Variants in EPB41L4A observed in about 807,000 individuals in gnomAD.
The protein encoded by EPB41L4A is erythrocyte membrane protein band 4.1 like 4A, also known as band 4.1-like protein 4A.
EPB41L4A carries 100 observed loss-of-function variants against 108.6 expected under a neutral mutation model. The ratio of observed to expected loss-of-function variants is 0.92; its 90% CI spans 0.78 to 1.09. The LOEUF (loss-of-function observed/expected upper bound fraction) is 1.09. Among genes scored for constraint, EPB41L4A ranks in the 50% least tolerant of loss-of-function variants. EPB41L4A has a pLI of 0.00. For missense variants in EPB41L4A, 1,030 were observed against 842.7 expected (o/e 1.22, Z -2.75); for synonymous variants, 319 against 289.0 (o/e 1.10, Z -1.05).
At chr5:112,414,720 A>T (rs1197705773) in intron 1 of EPB41L4A, among the ~76,000 whole-genome samples, 1 of 152,246 alleles carries the variant, frequency 6.6e-6, no homozygotes, top group Non-Finnish European at 1.5e-5. Flanking sequence ...ATCACATTCA[A>T]GTCATGGATG....
downstream of EPB41L4A, chr5:112,161,227 A>G (rs1258044828): frequency 1.0e-5 from 3 of 287,178 alleles, no homozygotes; most frequent in African/African-American, 6.7e-5. Flanking sequence ...AAATAACTTA[A>G]AAGCAGCGTG....
At chr5:112,327,286 T>A (rs1055163265) in intron 1 of EPB41L4A, among the ~76,000 whole-genome samples, 6 of 152,206 alleles carry the variant, frequency 3.9e-5, no homozygotes, top group African/African-American at 1.4e-4. Context: ...AAGACTTCTA[T>A]AAAGAAGAAG....
intron 1 of EPB41L4A, among the ~76,000 whole-genome samples, chr5:112,380,783 TCACACACATACA>T (rs1375168337): frequency 1.2e-4 from 14 of 120,184 alleles, no homozygotes; most frequent in African/African-American, 4.6e-4. Flanking sequence ...CCTCTGCACA[TCACACACATACA>T]CACACACACA....
chr5:112,266,417 C>A, intron 4 of EPB41L4A, 87 bp from the exon 5 acceptor site: 4 of 805,596 alleles, frequency 5.0e-6, no homozygotes, highest in Non-Finnish European at 7.7e-6. Flanking sequence ...GGTTAACAAC[C>A]AATCACCTTC....
intron 15 of EPB41L4A, among the ~76,000 whole-genome samples, chr5:112,197,203 T>C (rs1333090101): frequency 1.3e-5 from 2 of 152,198 alleles, no homozygotes; most frequent in Non-Finnish European, 2.9e-5. Context: ...AACATAGACC[T>C]ACTTTGAGTC....
chr5:112,378,773 T>G (rs548790479), intron 1 of EPB41L4A, among the ~76,000 whole-genome samples: 1 of 152,354 alleles, frequency 6.6e-6, no homozygotes, highest in East Asian at 1.9e-4. Context: ...ACTTCTTCAC[T>G]GGATGCTCAA....
intron 1 of EPB41L4A, among the ~76,000 whole-genome samples, chr5:112,325,509 C>T (rs566023511): frequency 1.3e-5 from 2 of 150,732 alleles, no homozygotes; most frequent in Non-Finnish European, 1.5e-5. Flanking sequence ...CCATAAAGTA[C>T]TTTAGCTATA....
At chr5:112,275,912 T>C (rs949289096) in intron 3 of EPB41L4A, among the ~76,000 whole-genome samples, 2 of 152,182 alleles carry the variant, frequency 1.3e-5, no homozygotes, top group African/African-American at 4.8e-5. Context: ...CATGTGCTCA[T>C]GTGGAAAAGA....
rs115704559 is a variant in EPB41L4A at position 112,244,868 on chromosome 5, C to T, written c.796-4058G>A. Among the ~76,000 whole-genome samples the T allele has an allele frequency of 7.3e-3, 1,114 of 152,254 alleles. 9 individuals are homozygous for T. Among genetic ancestry groups the T allele is most frequent in the African/African-American group, 0.026 (1,065 of 41,542 alleles). Reference sequence around the variant, plus strand: ...TTTTCATTAGAAAGTAGAGCCTTATCAAGCGCCCGTGCCCTTGTTATCTAC... The same window carrying T: ...TTTTCATTAGAAAGTAGAGCCTTATTAAGCGCCCGTGCCCTTGTTATCTAC... On this transcript the variant is annotated intron_variant, in intron 9 of 22. Transcript: ENST00000261486.
Position 112,419,075 on chromosome 5 carries a change from T to C in EPB41L4A, c.-36A>G, listed in dbSNP as rs755655735. 33 of 1,533,462 alleles carry C rather than the reference T, an allele frequency of 2.2e-5. 1 individual carries two copies. The South Asian group carries it at 3.7e-4, about 17-fold the overall frequency. 95.0% of individuals were successfully genotyped at this position (1,533,462 alleles called of 1,614,324 possible). A position where few individuals can be genotyped will look rare whatever the true frequency, so the allele number is the denominator to read the frequency against. ...GTCGTCTCCAGCCAGGAGAGAAAGC[T>C]ACCACCGAGGCGCCCAGCCGCCCCC... On this transcript the variant is annotated 5_prime_UTR_variant, in exon 1 of 23. Transcript: ENST00000261486.
chr5:112,268,586 A>C (rs1469536063), intron 4 of EPB41L4A, among the ~76,000 whole-genome samples: 2 of 151,102 alleles, frequency 1.3e-5, no homozygotes, highest in African/African-American at 4.8e-5. Context: ...ACAGTGGTTC[A>C]CACCTGTAAC....
chr5:112,239,595 G>T, intron 11 of EPB41L4A, 65 bp downstream of exon 11: 1 of 1,007,618 alleles, frequency 9.9e-7, no homozygotes, highest in Non-Finnish European at 1.4e-6. Flanking sequence ...CACTGAGCAT[G>T]TATGACAGCT....
At chr5:112,339,054 G>A (rs549240055) in intron 1 of EPB41L4A, among the ~76,000 whole-genome samples, 1 of 152,172 alleles carries the variant, frequency 6.6e-6, no homozygotes, top group South Asian at 2.1e-4. Flanking sequence ...GAAGGGAGAA[G>A]AGCATATGAA....
chr5:112,384,177 G>C (rs532938976), intron 1 of EPB41L4A, among the ~76,000 whole-genome samples: 133 of 152,246 alleles, frequency 8.7e-4, no homozygotes, highest in African/African-American at 3.1e-3. Flanking sequence ...ATTGACTGTG[G>C]TGATGGCTGC....
At chr5:112,311,021 C>A (rs1053342107) in intron 1 of EPB41L4A, among the ~76,000 whole-genome samples, 3 of 152,122 alleles carry the variant, frequency 2.0e-5, no homozygotes, top group African/African-American at 7.2e-5. Context: ...GCATTCTTAT[C>A]TTTTTCCTGA....
At chr5:112,387,042 T>C (rs1760594062) in intron 1 of EPB41L4A, among the ~76,000 whole-genome samples, 1 of 152,214 alleles carries the variant, frequency 6.6e-6, no homozygotes. Context: ...AAGGCCTCTA[T>C]TGCTTCAAAG....
intron 1 of EPB41L4A, among the ~76,000 whole-genome samples, chr5:112,357,536 C>T (rs560395695): frequency 2.0e-5 from 3 of 152,252 alleles, no homozygotes; most frequent in South Asian, 2.1e-4. Context: ...AACTTGGGCC[C>T]GGTTTAGAGA....
intron 12 of EPB41L4A, among the ~76,000 whole-genome samples, chr5:112,155,759 C>A (rs546828933): frequency 2.6e-5 from 4 of 151,962 alleles, no homozygotes; most frequent in Non-Finnish European, 5.9e-5. Flanking sequence ...TATTTGGGGG[C>A]CAGGAAGCAA....
intron 9 of EPB41L4A, among the ~76,000 whole-genome samples, chr5:112,248,206 C>G (rs1395589533): frequency 3.3e-5 from 5 of 152,190 alleles, no homozygotes; most frequent in African/African-American, 7.2e-5. Context: ...ATTCTGTGTA[C>G]TTTTGCCATG....
Sources: allele counts gnomAD v4.1 joint callset (sites outside exome capture counted in the v4.1 genomes callset), GRCh38; gene constraint gnomAD v4.1.1; transcripts MANE v1.5; gene names NCBI Gene and HGNC (gene_info 2026-07-23, HGNC 2026-07-21).